Variants in AKAP7 observed in about 807,000 individuals in gnomAD.
AKAP7 encodes A-kinase anchoring protein 7.
A neutral mutation model predicts 39.5 loss-of-function variants in AKAP7; 39 were observed. That is an observed-to-expected ratio of 0.99 (90% CI 0.76 to 1.29). The LOEUF is 1.29. AKAP7 is among the 50% of genes most tolerant of loss of function. AKAP7 has a pLI of 0.00. For synonymous variants in AKAP7, 140 were observed against 139.1 expected, an observed-to-expected ratio of 1.01 and a Z score of -0.05; for missense variants, 414 against 407.7, an observed-to-expected ratio of 1.02 and a Z score of -0.13.
intron 7 of AKAP7, among the ~76,000 whole-genome samples, chr6:131,271,839 G>A (rs570033444): frequency 6.6e-5 from 10 of 152,186 alleles, no homozygotes; most frequent in East Asian, 3.9e-4. Context: ...GGTACATTGC[G>A]GTTTAAAAAA....
In AKAP7 at chr6:131,243,759, A is replaced by G. The variant is rs189984820; in HGVS notation, c.850+23951A>G. 2.7e-3 allele frequency among the ~76,000 whole-genome samples: 406 copies of G among 152,316 alleles called. 1 individual carries two copies. Among genetic ancestry groups the G allele is most frequent in the African/African-American group, 9.3e-3 (387 of 41,578 alleles). On this transcript the variant is annotated intron_variant, in intron 7 of 7. Coordinates refer to ENST00000431975, the MANE Select transcript of AKAP7 (RefSeq NM_016377.4). The stretch of plus-strand genomic sequence containing the variant: ...AATTAGGACCTGTGAAAAACCTCCA[A>G]TGATTTAGAAATTGTAGAACCAAAT...
At chr6:131,186,247 C>T (rs1412544856) in intron 5 of AKAP7, among the ~76,000 whole-genome samples, 1 of 151,916 alleles carries the variant, frequency 6.6e-6, no homozygotes, top group Non-Finnish European at 1.5e-5. Context: ...TGGGACCTTC[C>T]CCTCTCTCTC....
chr6:131,131,337 T>C (rs979909745), upstream of AKAP7, among the ~76,000 whole-genome samples: 1 of 152,158 alleles, frequency 6.6e-6, no homozygotes, highest in Non-Finnish European at 1.5e-5. Context: ...CACCTTTGCA[T>C]GCAGGAGCCA....
chr6:131,134,305 CTTTACGAAGGGAAA>C (rs1211955038), upstream of AKAP7, among the ~76,000 whole-genome samples: 2 of 152,096 alleles, frequency 1.3e-5, no homozygotes, highest in Non-Finnish European at 2.9e-5. Flanking sequence ...TTTATGTCAC[CTTTACGAAGGGAAA>C]TTTATGTCCT....
intron 5 of AKAP7, among the ~76,000 whole-genome samples, chr6:131,180,326 T>C (rs1194385923): frequency 6.6e-6 from 1 of 152,212 alleles, no homozygotes; most frequent in Non-Finnish European, 1.5e-5. Flanking sequence ...TCTCTGTGCT[T>C]CTGTGTTTTC....
intron 5 of AKAP7, among the ~76,000 whole-genome samples, chr6:131,176,093 C>T (rs1199433291): frequency 6.6e-6 from 1 of 152,000 alleles, no homozygotes; most frequent in African/African-American, 2.4e-5. Flanking sequence ...TTCTTTTTTC[C>T]TACACCATTA....
intron 5 of AKAP7, chr6:131,184,978 A>C: frequency 1.3e-6 from 1 of 769,428 alleles, no homozygotes; most frequent in Non-Finnish European, 2.4e-6. Flanking sequence ...GCATCTTCAC[A>C]GTACTCATCA....
chr6:131,232,230 C>A (rs899035109), intron 7 of AKAP7, among the ~76,000 whole-genome samples: 1 of 152,066 alleles, frequency 6.6e-6, no homozygotes, highest in Non-Finnish European at 1.5e-5. Flanking sequence ...TAAAATGATG[C>A]AGTAGTAAGG....
intron 7 of AKAP7, among the ~76,000 whole-genome samples, chr6:131,278,748 C>T (rs1001112645): frequency 1.3e-5 from 2 of 152,196 alleles, no homozygotes; most frequent in African/African-American, 4.8e-5. Context: ...GTGGGAAACA[C>T]ACCTCCATGA....
chr6:131,180,532 C>G (rs968933122), intron 5 of AKAP7, among the ~76,000 whole-genome samples: 1 of 152,196 alleles, frequency 6.6e-6, no homozygotes, highest in Non-Finnish European at 1.5e-5. Context: ...TGCCTGTATT[C>G]TCTGTACCTT....
At chr6:131,234,716 G>A (rs1221526752) in intron 7 of AKAP7, among the ~76,000 whole-genome samples, 1 of 148,320 alleles carries the variant, frequency 6.7e-6, no homozygotes. Flanking sequence ...TTATATGCAA[G>A]CTATTAGAAG....
chr6:131,127,818 C>T, the AKAP7 span, among the ~76,000 whole-genome samples: 2 of 152,118 alleles, frequency 1.3e-5, no homozygotes, highest in Non-Finnish European at 2.9e-5. Flanking sequence ...AATATAGTAC[C>T]TATACACCAT....
chr6:131,194,648 G>A (rs1806743054), intron 5 of AKAP7, among the ~76,000 whole-genome samples: 1 of 151,992 alleles, frequency 6.6e-6, no homozygotes, highest in Non-Finnish European at 1.5e-5. Flanking sequence ...CAGGAAGTAT[G>A]CAGCTATTAT....
chr6:131,136,490 G>C (rs980254906), intron 1 of AKAP7, among the ~76,000 whole-genome samples: 1 of 152,182 alleles, frequency 6.6e-6, no homozygotes, highest in Admixed American at 6.5e-5. Flanking sequence ...GTGTGAATAT[G>C]TTGACAATTG....
At chr6:131,187,993 A>G (rs1003689203) in intron 5 of AKAP7, among the ~76,000 whole-genome samples, 4 of 152,216 alleles carry the variant, frequency 2.6e-5, no homozygotes, top group Non-Finnish European at 5.9e-5. Flanking sequence ...CACAAACTAA[A>G]TAATGGGAGA....
intron 7 of AKAP7, among the ~76,000 whole-genome samples, chr6:131,273,758 G>A (rs977195278): frequency 1.3e-5 from 2 of 152,098 alleles, no homozygotes; most frequent in African/African-American, 4.8e-5. Context: ...TTGTTTCTGA[G>A]TAGATCTAAA....
At position 131,282,920 on chromosome 6, in the gene AKAP7, A is replaced by T. The variant is rs138532059; in HGVS notation, c.*1194A>T. 4.8e-6 allele frequency: 1 copy of T among 209,296 alleles called. No individual in the cohort carries two copies. Among genetic ancestry groups the T allele is most frequent in the East Asian group, 1.1e-4 (1 of 9,000 alleles). The allele number at this position is 209,296 out of a possible 1,614,324, so 13.0% of individuals were successfully genotyped here. A position where few individuals can be genotyped will look rare whatever the true frequency, so the allele number is the denominator to read the frequency against. ...ACAGACTGTGAACAAATCATTCACA[A>T]ACAGAATAAAACAGAGCCAACAACA... On this transcript the variant is annotated 3_prime_UTR_variant, in exon 8 of 8. Transcript: ENST00000431975.
At chr6:131,257,466 G>T (rs886445346) in intron 7 of AKAP7, among the ~76,000 whole-genome samples, 14 of 151,582 alleles carry the variant, frequency 9.2e-5, no homozygotes, top group Non-Finnish European at 1.5e-4. Context: ...GTCAGACCTT[G>T]AATTTTTGAG....
chr6:131,234,100 C>T (rs1810840545), intron 7 of AKAP7, among the ~76,000 whole-genome samples: 1 of 152,154 alleles, frequency 6.6e-6, no homozygotes, highest in South Asian at 2.1e-4. Context: ...ATTCATAGCT[C>T]CCTGCTGGCA....
Sources: allele counts gnomAD v4.1 joint callset (sites outside exome capture counted in the v4.1 genomes callset), GRCh38; gene constraint gnomAD v4.1.1; transcripts MANE v1.5; gene names NCBI Gene and HGNC (gene_info 2026-07-23, HGNC 2026-07-21).